Variants in STK32B observed in about 807,000 individuals in gnomAD.
STK32B encodes serine/threonine kinase 32B, also known as serine/threonine-protein kinase 32B.
STK32B carries 43 observed loss-of-function variants against 52.6 expected under a neutral mutation model. The observed-to-expected ratio is 0.82, with a 90% CI of 0.64 to 1.05. The LOEUF (loss-of-function observed/expected upper bound fraction) is 1.05. Among genes scored for constraint, STK32B ranks in the 50% least tolerant of loss-of-function variants. The probability of loss-of-function intolerance (pLI) is 0.00; values close to 1 mark genes in which losing one functional copy is unlikely to be tolerated. For missense variants in STK32B, 621 were observed against 534.6 expected (o/e 1.16, Z -1.59); for synonymous variants, 238 against 204.3 (o/e 1.17, Z -1.41).
intron 1 of STK32B, among the ~76,000 whole-genome samples, chr4:5,072,303 G>T (rs1291340234): frequency 6.6e-6 from 1 of 152,114 alleles, no homozygotes; most frequent in African/African-American, 2.4e-5. Context: ...TGGGAATCTG[G>T]TAGAAACCTC....
chr4:5,415,515 T>C (rs1402824533), intron 5 of STK32B, among the ~76,000 whole-genome samples: 3 of 152,160 alleles, frequency 2.0e-5, no homozygotes, highest in Non-Finnish European at 4.4e-5. Context: ...GGGAGGGGCC[T>C]GAGGAAGCCC....
intron 3 of STK32B, among the ~76,000 whole-genome samples, chr4:5,303,609 A>T (rs756421516): frequency 1.3e-5 from 2 of 152,086 alleles, no homozygotes; most frequent in Non-Finnish European, 2.9e-5. Flanking sequence ...ATACATTGCA[A>T]AGATTTTCTG....
chr4:5,131,734 C>CT (rs1461712629), intron 1 of STK32B, among the ~76,000 whole-genome samples: 1 of 152,224 alleles, frequency 6.6e-6, no homozygotes, highest in Non-Finnish European at 1.5e-5. Context: ...TCTTCTGTCA[C>CT]TTTATTTATG....
At chr4:5,288,656 G>T (rs1039621332) in intron 3 of STK32B, among the ~76,000 whole-genome samples, 20 of 152,058 alleles carry the variant, frequency 1.3e-4, no homozygotes, top group Non-Finnish European at 4.4e-5. Flanking sequence ...ATCAGATATA[G>T]AATTTGCAAG....
Position 5,159,623 on chromosome 4 carries a change from A to ATATATATGAATATATATGAATG in STK32B, c.109-8671_109-8670insATGAATATATATGAATGTATAT, listed in dbSNP as rs1560186007. On this transcript the variant is annotated intron_variant, in intron 2 of 11. Coordinates refer to ENST00000282908, the MANE Select transcript of STK32B (RefSeq NM_018401.3). The stretch of plus-strand genomic sequence containing the variant: ...AATATATATATGAATATATATGAAT[A>ATATATATGAATATATATGAATG]TATATGAATATATATATGAATGTAT... Among the ~76,000 whole-genome samples, 412 of 105,896 alleles carry ATATATATGAATATATATGAATG rather than the reference A, an allele frequency of 3.9e-3. 77 individuals carry two copies. The highest frequency in any genetic ancestry group is 6.0e-3 in the Non-Finnish European group (337 of 55,836). The allele number at this position is 105,896 out of a possible 152,430, so 69.5% of individuals were successfully genotyped here. A position where few individuals can be genotyped will look rare whatever the true frequency, so the allele number is the denominator to read the frequency against.
At chr4:5,258,641 C>T (rs560687179) in intron 3 of STK32B, among the ~76,000 whole-genome samples, 1 of 152,152 alleles carries the variant, frequency 6.6e-6, no homozygotes, top group Non-Finnish European at 1.5e-5. Flanking sequence ...TCTCCTCCTT[C>T]AGCACATCCA....
chr4:5,320,602 A>C (rs2108937232), intron 3 of STK32B, among the ~76,000 whole-genome samples: 1 of 152,300 alleles, frequency 6.6e-6, no homozygotes, highest in South Asian at 2.1e-4. Flanking sequence ...AAATGTAAGA[A>C]CCAAGTGTAG....
intron 3 of STK32B, among the ~76,000 whole-genome samples, chr4:5,266,997 C>T (rs916126938): frequency 1.3e-4 from 19 of 151,892 alleles, no homozygotes; most frequent in Admixed American, 1.2e-3. Context: ...CAGAGGGCTC[C>T]CCATCTCAAA....
At chr4:5,100,252 G>C (rs1245809953) in intron 1 of STK32B, among the ~76,000 whole-genome samples, 1 of 152,108 alleles carries the variant, frequency 6.6e-6, no homozygotes, top group Non-Finnish European at 1.5e-5. Context: ...ATCAAGAGAG[G>C]GTGGCCACTG....
At chr4:5,071,583 A>C (rs527966619) in intron 1 of STK32B, among the ~76,000 whole-genome samples, 1 of 152,306 alleles carries the variant, frequency 6.6e-6, no homozygotes, top group South Asian at 2.1e-4. Context: ...ATTGCATGTC[A>C]TATTTAATAA....
chr4:5,499,052 C>T lies in STK32B; in HGVS notation c.1214C>T (p.Thr405Ile). The change falls in exon 12 of 12, where the codon ACC (threonine) becomes ATC (isoleucine). Residue 405 changes from threonine (T) to isoleucine (I), a missense_variant. Physicochemically the swap from Thr to Ile is moderately conservative, Grantham distance 89 (BLOSUM62 -1). Coordinates refer to ENST00000282908, the MANE Select transcript of STK32B (RefSeq NM_018401.3). ...LQDGCNNNLLTHTCTRGCSS is the reference protein window; with the variant it reads ...LQDGCNNNLLIHTCTRGCSS ...GACGGGTGCAACAACAACCTCCTCA[C>T]CCACACCTGCACCCGTGGCTGCAGC... The T allele has an allele frequency of 1.2e-6, 2 of 1,613,580 alleles. No individual in the cohort carries two copies. The highest frequency in any genetic ancestry group is 2.2e-5 in the South Asian group (2 of 90,968).
chr4:5,190,322 C>T (rs925484442), intron 3 of STK32B, among the ~76,000 whole-genome samples: 6 of 152,200 alleles, frequency 3.9e-5, no homozygotes, highest in African/African-American at 1.2e-4. Context: ...CAAAATTTCA[C>T]AGGCATCATC....
intron 4 of STK32B, among the ~76,000 whole-genome samples, chr4:5,332,583 T>G (rs141474826): frequency 4.6e-5 from 7 of 152,280 alleles, no homozygotes; most frequent in Non-Finnish European, 8.8e-5. Flanking sequence ...GCCATGCTGG[T>G]GTGCTGCACC....
intron 4 of STK32B, among the ~76,000 whole-genome samples, chr4:5,373,704 G>A (rs763070596): frequency 4.6e-5 from 7 of 152,056 alleles, no homozygotes; most frequent in Non-Finnish European, 8.8e-5. Flanking sequence ...TCAGGAATCC[G>A]CCTCTCTCCC....
At chr4:5,213,240 C>T (rs1229496073) in intron 3 of STK32B, among the ~76,000 whole-genome samples, 3 of 152,164 alleles carry the variant, frequency 2.0e-5, no homozygotes, top group African/African-American at 7.2e-5. Context: ...GATTCTTCTA[C>T]TCCTGCCACC....
chr4:5,497,012 A>C (rs1183127683), intron 11 of STK32B, among the ~76,000 whole-genome samples: 1 of 152,244 alleles, frequency 6.6e-6, no homozygotes, highest in Non-Finnish European at 1.5e-5. Context: ...ACTAGTTTTA[A>C]GATGGTATAT....
intron 3 of STK32B, among the ~76,000 whole-genome samples, chr4:5,255,631 A>G (rs1273471703): frequency 1.3e-4 from 20 of 152,130 alleles, no homozygotes; most frequent in Admixed American, 1.2e-3. Context: ...AACACAAGCC[A>G]TCTGCGTAAC....
At chr4:5,292,438 G>A (rs923198505) in intron 3 of STK32B, among the ~76,000 whole-genome samples, 1 of 151,970 alleles carries the variant, frequency 6.6e-6, no homozygotes, top group African/African-American at 2.4e-5. Context: ...GCTTGTATGT[G>A]TTCTTCAGAG....
At chr4:5,351,307 G>A (rs1733807741) in intron 4 of STK32B, among the ~76,000 whole-genome samples, 2 of 151,894 alleles carry the variant, frequency 1.3e-5, no homozygotes, top group Admixed American at 6.6e-5. Context: ...AATACCAAGA[G>A]GAACTTTGGA....
Sources: gnomAD v4.1 joint callset for allele counts (sites outside exome capture counted in the v4.1 genomes callset) on GRCh38, gnomAD v4.1.1 for gene constraint, MANE v1.5 for transcripts, NCBI Gene and HGNC (gene_info 2026-07-23, HGNC 2026-07-21) for gene names.